The following HECW1 variants were observed in gnomAD, a reference collection of about 807,000 sequenced individuals.
HECW1 encodes the protein HECT, C2 and WW domain containing E3 ubiquitin protein ligase 1.
HECW1 carries 61 observed loss-of-function variants against 182.3 expected under a neutral mutation model. The ratio of observed to expected loss-of-function variants is 0.33; its 90% CI spans 0.27 to 0.41. The LOEUF (loss-of-function observed/expected upper bound fraction) is 0.41, where lower values mean the gene tolerates loss of function less well. Among genes scored for constraint, HECW1 ranks in the 10% least tolerant of loss-of-function variants. The pLI, the probability that HECW1 is intolerant of heterozygous loss-of-function variation, is 1.00. For synonymous variants in HECW1, 859 were observed against 832.6 expected, an observed-to-expected ratio of 1.03 and a Z score of -0.55; for missense variants, 1,739 against 2,108.9, an observed-to-expected ratio of 0.82 and a Z score of 3.44.
chr7:43,119,511 C>T lies in HECW1; in HGVS notation c.-32+5120C>T, dbSNP rs141279357. ...TCCCCAGGCCTTGGCTCTCAGACTT[C>T]TTCCCTTCTTACTTAAATTCCTTCT... On this transcript the variant is annotated intron_variant, in intron 2 of 29. Coordinates refer to ENST00000395891, the MANE Select transcript of HECW1 (RefSeq NM_015052.5). Among the ~76,000 whole-genome samples, 176 of 152,292 alleles carry T rather than the reference C, an allele frequency of 1.2e-3. 1 individual carries two copies. Among genetic ancestry groups the T allele is most frequent in the African/African-American group, 4.0e-3 (166 of 41,558 alleles).
At chr7:43,323,113 T>A (rs1006010595) in intron 5 of HECW1, among the ~76,000 whole-genome samples, 2 of 152,216 alleles carry the variant, frequency 1.3e-5, no homozygotes, top group Non-Finnish European at 2.9e-5. Flanking sequence ...CTCATTTGCA[T>A]GGCCCAACAC....
chr7:43,226,949 T>C (rs1018626803), intron 2 of HECW1, among the ~76,000 whole-genome samples: 2 of 152,230 alleles, frequency 1.3e-5, no homozygotes, highest in African/African-American at 4.8e-5. Flanking sequence ...TTTTCACGGC[T>C]GTCACAACGT....
intron 27 of HECW1, 113 bp downstream of exon 27, chr7:43,550,704 G>A: frequency 9.1e-7 from 1 of 1,093,582 alleles, no homozygotes; most frequent in South Asian, 1.5e-5. Flanking sequence ...AACAGAGAGG[G>A]AGAGCCAAGG....
At chr7:43,280,155 A>G (rs1021797987) in intron 3 of HECW1, among the ~76,000 whole-genome samples, 1 of 152,176 alleles carries the variant, frequency 6.6e-6, no homozygotes, top group Non-Finnish European at 1.5e-5. Context: ...ACCTTTTCCC[A>G]AAGGAGTCAG....
At chr7:43,493,774 C>A (rs2152920117) in intron 19 of HECW1, among the ~76,000 whole-genome samples, 1 of 152,148 alleles carries the variant, frequency 6.6e-6, no homozygotes, top group East Asian at 1.9e-4. Context: ...GTTTACTCTC[C>A]AACGTTCCAA....
intron 24 of HECW1, among the ~76,000 whole-genome samples, chr7:43,535,167 C>T (rs1032094221): frequency 3.3e-5 from 5 of 152,108 alleles, no homozygotes; most frequent in Admixed American, 6.6e-5. Flanking sequence ...GCAAATGGCC[C>T]GAAGAAGAGT....
At chr7:43,525,448 G>A (rs1008117966) in intron 24 of HECW1, among the ~76,000 whole-genome samples, 1 of 152,182 alleles carries the variant, frequency 6.6e-6, no homozygotes, top group Non-Finnish European at 1.5e-5. Flanking sequence ...AGTTTCATGA[G>A]AGGAGGGATA....
At chr7:43,349,122 C>T (rs1814069811) in intron 5 of HECW1, among the ~76,000 whole-genome samples, 1 of 152,174 alleles carries the variant, frequency 6.6e-6, no homozygotes, top group Non-Finnish European at 1.5e-5. Context: ...GCAACCTTTG[C>T]CTCCCAGGTT....
At chr7:43,548,016 T>TA (rs1563114306) in intron 26 of HECW1, among the ~76,000 whole-genome samples, 1 of 152,256 alleles carries the variant, frequency 6.6e-6, no homozygotes, top group East Asian at 1.9e-4. Flanking sequence ...ATTACAATAG[T>TA]ACAGTATGTA....
chr7:43,157,041 C>T lies in HECW1; in HGVS notation c.-32+42650C>T, dbSNP rs184694237. Among the ~76,000 whole-genome samples the T allele has an allele frequency of 9.8e-5, 15 of 152,312 alleles. 1 individual carries two copies. Among genetic ancestry groups the T allele is most frequent in the South Asian group, 2.1e-4 (1 of 4,818 alleles). On this transcript the variant is annotated intron_variant, in intron 2 of 29. Transcript: ENST00000395891. ...CTGTCCTGACTGACACATGTTCATT[C>T]GCAAACCTGGGCTTTGTGCTAGGCA...
At chr7:43,133,453 G>T (rs1787176887) in intron 2 of HECW1, among the ~76,000 whole-genome samples, 1 of 151,638 alleles carries the variant, frequency 6.6e-6, no homozygotes, top group African/African-American at 2.4e-5. Flanking sequence ...TATGGTTATT[G>T]GTCTCTTTAG....
chr7:43,369,520 C>T (rs1440480048), intron 6 of HECW1, among the ~76,000 whole-genome samples: 1 of 152,152 alleles, frequency 6.6e-6, no homozygotes, highest in Admixed American at 6.6e-5. Context: ...TAAAAGTCTA[C>T]CTTTGCCTTT....
At chr7:43,327,061 G>A (rs1001006516) in intron 5 of HECW1, among the ~76,000 whole-genome samples, 1 of 152,230 alleles carries the variant, frequency 6.6e-6, no homozygotes, top group East Asian at 1.9e-4. Context: ...GGACTGCACC[G>A]CGGGCTGCCA....
chr7:43,212,535 ATGCACACAATTACAGAAGGGAG>A (rs1341957677), intron 2 of HECW1, among the ~76,000 whole-genome samples: 2 of 152,212 alleles, frequency 1.3e-5, no homozygotes, highest in Admixed American at 1.3e-4. Context: ...ACCAAATCAT[ATGCACACAATTACAGAAGGGAG>A]GCCAAGGCTA....
At chr7:43,371,332 A>G (rs542350249) in intron 6 of HECW1, among the ~76,000 whole-genome samples, 53 of 152,202 alleles carry the variant, frequency 3.5e-4, no homozygotes, top group Non-Finnish European at 6.9e-4. Flanking sequence ...TAGGCTCATC[A>G]AGTGTGACAA....
At chr7:43,326,663 C>A (rs1256565412) in intron 5 of HECW1, among the ~76,000 whole-genome samples, 1 of 152,168 alleles carries the variant, frequency 6.6e-6, no homozygotes, top group Non-Finnish European at 1.5e-5. Context: ...GATCGTACAT[C>A]CACCTTTTAT....
At chr7:43,168,470 C>A (rs1791352314) in intron 2 of HECW1, among the ~76,000 whole-genome samples, 2 of 151,954 alleles carry the variant, frequency 1.3e-5, no homozygotes, top group African/African-American at 4.8e-5. Context: ...CCAACCTGGG[C>A]AACATACTGA....
intron 2 of HECW1, among the ~76,000 whole-genome samples, chr7:43,210,992 G>C (rs894704919): frequency 6.6e-6 from 1 of 152,214 alleles, no homozygotes; most frequent in East Asian, 1.9e-4. Flanking sequence ...AGCCGATGCC[G>C]GCTGGAATGC....
chr7:43,343,225 A>G (rs533985458), intron 5 of HECW1, among the ~76,000 whole-genome samples: 8 of 150,962 alleles, frequency 5.3e-5, no homozygotes, highest in African/African-American at 2.0e-4. Flanking sequence ...ATGTTCAGAT[A>G]TTCACGGTGC....
Sources: gnomAD v4.1 joint callset for allele counts (sites outside exome capture counted in the v4.1 genomes callset) on GRCh38, gnomAD v4.1.1 for gene constraint, MANE v1.5 for transcripts, NCBI Gene and HGNC (gene_info 2026-07-23, HGNC 2026-07-21) for gene names.